The following CMTM8 variants were observed in gnomAD, a reference collection of about 807,000 sequenced individuals.
The protein encoded by CMTM8 is CKLF like MARVEL transmembrane domain containing 8.
In CMTM8, 12 loss-of-function variants were observed where a neutral mutation model predicts 18.6. The ratio of observed to expected loss-of-function variants is 0.65; its 90% CI spans 0.41 to 1.05. The LOEUF (loss-of-function observed/expected upper bound fraction) is 1.05, where lower values mean the gene tolerates loss of function less well. CMTM8 is among the 50% of genes least tolerant of loss of function. The pLI, the probability that CMTM8 is intolerant of heterozygous loss-of-function variation, is 0.00. For synonymous variants in CMTM8, 87 were observed against 90.6 expected (o/e 0.96, Z 0.23); for missense variants, 217 against 227.2 (o/e 0.95, Z 0.29).
rs573791797 is a variant in CMTM8 at position 32,360,308 on chromosome 3, T to A, written c.321+2762T>A. Among the ~76,000 whole-genome samples, 51 of 152,370 alleles carry A rather than the reference T, an allele frequency of 3.3e-4. 2 individuals are homozygous for A. The South Asian group carries it at 0.01, about 31-fold the overall frequency. On this transcript the variant is annotated intron_variant, in intron 2 of 3. Coordinates refer to ENST00000307526, the MANE Select transcript of CMTM8 (RefSeq NM_178868.5). ...TAAGGCAATCTAGAAATCTGGGCTTTGGTGTGAACTCTCCCAATTTTAAAA... is the reference window on the plus strand; with the variant it reads ...TAAGGCAATCTAGAAATCTGGGCTTAGGTGTGAACTCTCCCAATTTTAAAA...
At chr3:32,274,136 C>T (rs191400742) in intron 1 of CMTM8, among the ~76,000 whole-genome samples, 125 of 151,940 alleles carry the variant, frequency 8.2e-4, no homozygotes, top group Admixed American at 3.0e-3. Flanking sequence ...ATGGCAAGAC[C>T]CGGTCTCTAC....
intron 1 of CMTM8, among the ~76,000 whole-genome samples, chr3:32,274,285 G>A (rs886861297): frequency 2.7e-5 from 4 of 150,526 alleles, no homozygotes; most frequent in East Asian, 3.9e-4. Context: ...ACTCCAGCCT[G>A]GGTGACCCTG....
Position 32,239,229 on chromosome 3 carries a change from G to C in CMTM8, c.147+110G>C, listed in dbSNP as rs1175992596. ...CTCAGATCTTCCCGCGGGCTTTAGG[G>C]AACCGTTTTTGCTCAGCCTCGCCTT... On this transcript the variant is annotated intron_variant, in intron 1 of 3. Coordinates refer to ENST00000307526, the MANE Select transcript of CMTM8 (RefSeq NM_178868.5). 4.7e-6 allele frequency: 6 copies of C among 1,278,238 alleles called. No individual in the cohort carries two copies. The African/African-American group carries it at 9.2e-5, about 20-fold the overall frequency. The allele number at this position is 1,278,238 out of a possible 1,614,324, so 79.2% of individuals were successfully genotyped here.
intron 2 of CMTM8, among the ~76,000 whole-genome samples, chr3:32,360,467 A>G (rs529336327): frequency 2.6e-5 from 4 of 152,242 alleles, no homozygotes; most frequent in Non-Finnish European, 4.4e-5. Flanking sequence ...AGCATTTGTG[A>G]GTTGGGTACA....
chr3:32,270,572 G>A (rs1702422850), intron 1 of CMTM8, among the ~76,000 whole-genome samples: 1 of 152,202 alleles, frequency 6.6e-6, no homozygotes, highest in East Asian at 1.9e-4. Flanking sequence ...CCTTTGTAGG[G>A]ACATGGATGA....
At chr3:32,361,286 G>GTTTGTTTTTTTTTGTTTTTT (rs140270969) in intron 2 of CMTM8, among the ~76,000 whole-genome samples, 2 of 87,230 alleles carry the variant, frequency 2.3e-5, no homozygotes, top group Non-Finnish European at 2.4e-5. Flanking sequence ...CAGCCTAAGA[G>GTTTGTTTTTTTTTGTTTTTT]TTTTTTTTTC....
chr3:32,306,030 A>G (rs1342207071), intron 1 of CMTM8, among the ~76,000 whole-genome samples: 2 of 152,132 alleles, frequency 1.3e-5, no homozygotes, highest in Non-Finnish European at 2.9e-5. Flanking sequence ...AGCAGTTAGT[A>G]TGCTTTGTGA....
intron 1 of CMTM8, among the ~76,000 whole-genome samples, chr3:32,349,353 A>G (rs1183559258): frequency 2.0e-5 from 3 of 152,002 alleles, no homozygotes; most frequent in Non-Finnish European, 2.9e-5. Context: ...ATGCTAATGA[A>G]GACCTGGCTG....
intron 1 of CMTM8, among the ~76,000 whole-genome samples, chr3:32,280,712 A>G (rs1702593864): frequency 6.6e-6 from 1 of 152,040 alleles, no homozygotes; most frequent in South Asian, 2.1e-4. Context: ...ACTCACAGTC[A>G]AGACCCGTCA....
At chr3:32,249,701 A>T (rs1702088992) in intron 1 of CMTM8, among the ~76,000 whole-genome samples, 1 of 152,154 alleles carries the variant, frequency 6.6e-6, no homozygotes, top group Non-Finnish European at 1.5e-5. Flanking sequence ...GACTATTCAA[A>T]TCCTTTGCCT....
Position 32,263,278 on chromosome 3 carries a change from A to C in CMTM8, c.147+24159A>C, listed in dbSNP as rs1254676730. Among the ~76,000 whole-genome samples the C allele has an allele frequency of 1.3e-4, 20 of 152,306 alleles. No individual in the cohort carries two copies. The South Asian group carries it at 4.1e-3, about 32-fold the overall frequency. ...ACTTCAAGAGGAACAATCAGGCAGC[A>C]ACGTTTGCATTTCACCAATATTCGC... On this transcript the variant is annotated intron_variant, in intron 1 of 3. Coordinates refer to ENST00000307526, the MANE Select transcript of CMTM8 (RefSeq NM_178868.5).
Position 32,367,945 on chromosome 3 carries a change from C to G in CMTM8, c.395C>G (p.Pro132Arg). 1 of 1,614,108 alleles carries G rather than the reference C, an allele frequency of 6.2e-7. No homozygotes were observed. ...GTTGTAGATGCATCTTCCGTCTCCC[C>G]TGAGAGGGACAGTCACAACTTCAAC... ...AAVVDASSVSPERDSHNFNSW... is the reference protein window; with the variant it reads ...AAVVDASSVSRERDSHNFNSW... The change falls in exon 3 of 4, where the codon CCT becomes CGT. Residue 132 changes from proline (P) to arginine (R), a missense_variant. By Grantham distance (103) the Pro-to-Arg change is moderately radical (BLOSUM62 -2). Transcript: ENST00000307526.
At chr3:32,281,635 T>A (rs1702612346) in intron 1 of CMTM8, among the ~76,000 whole-genome samples, 1 of 152,136 alleles carries the variant, frequency 6.6e-6, no homozygotes, top group South Asian at 2.1e-4. Context: ...TTGAATGAGT[T>A]GTCTTTATTT....
intron 1 of CMTM8, among the ~76,000 whole-genome samples, chr3:32,299,037 C>T (rs563219113): frequency 1.7e-4 from 25 of 150,622 alleles, no homozygotes; most frequent in African/African-American, 5.9e-4. Context: ...ATCCTCCCAC[C>T]TCAGCCTCCC....
intron 1 of CMTM8, among the ~76,000 whole-genome samples, chr3:32,323,441 A>G (rs1696098362): frequency 1.3e-5 from 2 of 152,122 alleles, no homozygotes; most frequent in South Asian, 4.1e-4. Context: ...TTTTCAAGTT[A>G]ATGTGGGCAT....
At chr3:32,243,270 C>T (rs1701966614) in intron 1 of CMTM8, among the ~76,000 whole-genome samples, 1 of 151,792 alleles carries the variant, frequency 6.6e-6, no homozygotes, top group Admixed American at 6.6e-5. Context: ...GTGGTTCACA[C>T]CTGCAGTCCC....
At chr3:32,304,781 T>G (rs999325509) in intron 1 of CMTM8, among the ~76,000 whole-genome samples, 1 of 152,228 alleles carries the variant, frequency 6.6e-6, no homozygotes, top group Non-Finnish European at 1.5e-5. Flanking sequence ...AACATCTGCT[T>G]TAGCAGGTCC....
At chr3:32,294,758 A>T (rs1275352131) in intron 1 of CMTM8, among the ~76,000 whole-genome samples, 1 of 152,208 alleles carries the variant, frequency 6.6e-6, no homozygotes, top group East Asian at 1.9e-4. Context: ...TCTATTCTTT[A>T]AAACACAAAA....
intron 1 of CMTM8, among the ~76,000 whole-genome samples, chr3:32,344,567 T>C (rs1412180004): frequency 6.6e-6 from 1 of 151,924 alleles, no homozygotes; most frequent in East Asian, 1.9e-4. Context: ...CCACAGGGAG[T>C]CCTCAGGGAC....
Sources: gnomAD v4.1 joint callset for allele counts (sites outside exome capture counted in the v4.1 genomes callset) on GRCh38, gnomAD v4.1.1 for gene constraint, MANE v1.5 for transcripts, NCBI Gene and HGNC (gene_info 2026-07-23, HGNC 2026-07-21) for gene names.